RGL1: variants seen among roughly 807,000 people sequenced by gnomAD.
The protein encoded by RGL1 is ral guanine nucleotide dissociation stimulator-like 1.
Under a neutral mutation model 95.2 loss-of-function variants are expected in RGL1, and 24 were observed. The ratio of observed to expected loss-of-function variants is 0.25; its 90% CI spans 0.18 to 0.35. The LOEUF (loss-of-function observed/expected upper bound fraction) is 0.35, where lower values mean the gene tolerates loss of function less well. Among genes scored for constraint, RGL1 ranks in the 10% least tolerant of loss-of-function variants. RGL1 has a pLI of 1.00. For missense variants in RGL1, 715 were observed against 936.3 expected, an observed-to-expected ratio of 0.76 and a Z score of 3.08; for synonymous variants, 329 against 344.9, an observed-to-expected ratio of 0.95 and a Z score of 0.51.
chr1:183,657,336 A>G (rs1283235543), intron 1 of RGL1, among the ~76,000 whole-genome samples: 1 of 152,322 alleles, frequency 6.6e-6, no homozygotes, highest in East Asian at 1.9e-4. Flanking sequence ...CATGTGCACA[A>G]CGTGCAGGTT....
At chr1:183,763,743 A>T (rs1658824707) in intron 2 of RGL1, among the ~76,000 whole-genome samples, 1 of 152,272 alleles carries the variant, frequency 6.6e-6, no homozygotes, top group African/African-American at 2.4e-5. Flanking sequence ...GAGTTATAAT[A>T]TGTAAATTGC....
intron 1 of RGL1, among the ~76,000 whole-genome samples, chr1:183,679,021 A>G (rs1653020356): frequency 1.3e-5 from 2 of 152,180 alleles, no homozygotes; most frequent in South Asian, 2.1e-4. Flanking sequence ...GAGCATTTAT[A>G]TATAGGTCCT....
intron 2 of RGL1, among the ~76,000 whole-genome samples, chr1:183,760,428 ACTT>A (rs1353358082): frequency 1.3e-5 from 2 of 152,122 alleles, no homozygotes; most frequent in African/African-American, 2.4e-5. Flanking sequence ...TCACAGTAGA[ACTT>A]CTTTCAAAAC....
chr1:183,897,668 C>A, intron 9 of RGL1, 140 bp from the exon 10 acceptor site: 1 of 592,066 alleles, frequency 1.7e-6, no homozygotes, highest in Non-Finnish European at 3.0e-6. Flanking sequence ...TCGTGAGAGC[C>A]TGCTGGAGGC....
intron 2 of RGL1, among the ~76,000 whole-genome samples, chr1:183,798,254 G>A (rs1660798493): frequency 6.6e-6 from 1 of 152,118 alleles, no homozygotes; most frequent in South Asian, 2.1e-4. Context: ...ACATTATAGT[G>A]CAGCATTCAG....
chr1:183,840,284 T>C (rs1451134814), intron 2 of RGL1, among the ~76,000 whole-genome samples: 1 of 152,154 alleles, frequency 6.6e-6, no homozygotes, highest in East Asian at 1.9e-4. Flanking sequence ...AGCCTTGCTT[T>C]AGGATAAGAG....
At chr1:183,828,346 G>A (rs757199900) in intron 2 of RGL1, among the ~76,000 whole-genome samples, 16 of 152,132 alleles carry the variant, frequency 1.1e-4, no homozygotes, top group Non-Finnish European at 1.9e-4. Flanking sequence ...CCAGCACCCC[G>A]TAAGTGGAAT....
chr1:183,888,411 C>A, intron 7 of RGL1, 63 bp from the exon 8 acceptor site: 1 of 979,062 alleles, frequency 1.0e-6, no homozygotes, highest in Non-Finnish European at 1.6e-6. Context: ...AAACAGGAAA[C>A]CACCAAGTCA....
intron 13 of RGL1, among the ~76,000 whole-genome samples, chr1:183,906,123 A>C (rs147082023): frequency 3.0e-4 from 45 of 152,300 alleles, no homozygotes; most frequent in Non-Finnish European, 5.9e-4. Context: ...AAAAAAAAAA[A>C]CTTGAGGTTT....
At chr1:183,777,616 G>A (rs1049992698) in intron 2 of RGL1, among the ~76,000 whole-genome samples, 1 of 152,218 alleles carries the variant, frequency 6.6e-6, no homozygotes, top group Non-Finnish European at 1.5e-5. Context: ...CTCAGGGAGG[G>A]AGCTCATAGG....
intron 1 of RGL1, among the ~76,000 whole-genome samples, chr1:183,675,135 C>CT (rs1434410054): frequency 1.3e-5 from 2 of 152,076 alleles, no homozygotes; most frequent in African/African-American, 2.4e-5. Flanking sequence ...TTTCAGATGC[C>CT]TTTTTTTCTT....
intron 2 of RGL1, among the ~76,000 whole-genome samples, chr1:183,807,123 A>G (rs1230645198): frequency 6.6e-6 from 1 of 152,152 alleles, no homozygotes; most frequent in African/African-American, 2.4e-5. Flanking sequence ...AGGTCATGCA[A>G]GTTTGTAGGT....
chr1:183,658,934 C>T (rs1341808305), intron 1 of RGL1, among the ~76,000 whole-genome samples: 2 of 151,788 alleles, frequency 1.3e-5, no homozygotes, highest in Non-Finnish European at 2.9e-5. Context: ...GCTGCTGGTA[C>T]CCAGGCAAAC....
intron 2 of RGL1, among the ~76,000 whole-genome samples, chr1:183,779,081 T>TATC (rs1025543624): frequency 3.3e-5 from 5 of 152,130 alleles, no homozygotes; most frequent in Non-Finnish European, 4.4e-5. Context: ...GACAGACTGC[T>TATC]ATCAGTAAGG....
intron 2 of RGL1, among the ~76,000 whole-genome samples, chr1:183,845,737 A>G (rs1664377822): frequency 6.6e-6 from 1 of 152,202 alleles, no homozygotes; most frequent in Non-Finnish European, 1.5e-5. Flanking sequence ...TCAGATCATG[A>G]TTCCATCTCC....
chr1:183,677,952 A>C (rs916953677), intron 1 of RGL1, among the ~76,000 whole-genome samples: 2 of 152,204 alleles, frequency 1.3e-5, no homozygotes, highest in African/African-American at 4.8e-5. Flanking sequence ...TTAAACTGGA[A>C]GGCTTTTTTT....
intron 2 of RGL1, among the ~76,000 whole-genome samples, chr1:183,817,339 G>A (rs1033081486): frequency 6.6e-6 from 1 of 152,134 alleles, no homozygotes; most frequent in African/African-American, 2.4e-5. Flanking sequence ...TGGCCTCCCT[G>A]TTAGGAGCAC....
chr1:183,809,148 C>A (rs1470200879), intron 2 of RGL1, among the ~76,000 whole-genome samples: 1 of 152,182 alleles, frequency 6.6e-6, no homozygotes, highest in African/African-American at 2.4e-5. Flanking sequence ...GGTTATGTAG[C>A]ATGTGAGGAT....
intron 4 of RGL1, among the ~76,000 whole-genome samples, chr1:183,870,046 T>C (rs574415758): frequency 1.3e-5 from 2 of 152,206 alleles, no homozygotes; most frequent in African/African-American, 2.4e-5. Flanking sequence ...CATGTGAAAG[T>C]TTCTTGTATT....
Sources: allele counts gnomAD v4.1 joint callset (sites outside exome capture counted in the v4.1 genomes callset), GRCh38; gene constraint gnomAD v4.1.1; transcripts MANE v1.5; gene names NCBI Gene and HGNC (gene_info 2026-07-23, HGNC 2026-07-21).